The following PRPF18 variants were observed in gnomAD, a reference collection of about 807,000 sequenced individuals.
PRPF18 encodes the protein pre-mRNA-splicing factor 18.
Under a neutral mutation model 46.5 loss-of-function variants are expected in PRPF18, and 38 were observed. The ratio of observed to expected loss-of-function variants is 0.82; its 90% CI spans 0.63 to 1.07. The LOEUF (loss-of-function observed/expected upper bound fraction) is 1.07. PRPF18 is among the 50% of genes least tolerant of loss of function. PRPF18 has a pLI of 0.00. For missense variants in PRPF18, 263 were observed against 410.0 expected, an observed-to-expected ratio of 0.64 and a Z score of 3.10; for synonymous variants, 152 against 146.7, an observed-to-expected ratio of 1.04 and a Z score of -0.26.
At chr10:13,587,248 G>T in intron 1 of PRPF18, 96 bp downstream of exon 1, 3 of 1,337,502 alleles carry the variant, frequency 2.2e-6, no homozygotes, top group Non-Finnish European at 3.2e-6. Flanking sequence ...AGGATTCGGG[G>T]CGGGGACGGG....
chr10:13,608,012 T>C (rs1589127157), intron 4 of PRPF18, among the ~76,000 whole-genome samples: 1 of 152,218 alleles, frequency 6.6e-6, no homozygotes, highest in East Asian at 1.9e-4. Context: ...TTCTCAATTA[T>C]TGAGAGACAG....
intron 9 of PRPF18, among the ~76,000 whole-genome samples, chr10:13,621,123 C>G (rs2080414676): frequency 6.6e-6 from 1 of 152,170 alleles, no homozygotes; most frequent in Non-Finnish European, 1.5e-5. Flanking sequence ...AAGTTCACAT[C>G]TTGGGCATTC....
the PRPF18 span, among the ~76,000 whole-genome samples, chr10:13,638,318 T>A: frequency 6.6e-6 from 1 of 151,108 alleles, no homozygotes; most frequent in Non-Finnish European, 1.5e-5. Context: ...TTTTTTTTTT[T>A]ATGGCATCAT....
downstream of PRPF18, among the ~76,000 whole-genome samples, chr10:13,633,862 G>C (rs2080611908): frequency 6.6e-6 from 1 of 152,218 alleles, no homozygotes; most frequent in Non-Finnish European, 1.5e-5. Context: ...AGAGCTTCCA[G>C]CTGTCCAGAG....
intron 8 of PRPF18, among the ~76,000 whole-genome samples, chr10:13,614,516 G>C (rs2080313210): frequency 6.6e-6 from 1 of 152,204 alleles, no homozygotes; most frequent in Non-Finnish European, 1.5e-5. Context: ...CTGTTGCACT[G>C]ATGGTACAGT....
intron 4 of PRPF18, among the ~76,000 whole-genome samples, chr10:13,608,502 CT>C (rs2080222619): frequency 6.6e-6 from 1 of 152,340 alleles, no homozygotes; most frequent in African/African-American, 2.4e-5. Flanking sequence ...TTTCAGTCCT[CT>C]GTGTCTGTAA....
intron 9 of PRPF18, among the ~76,000 whole-genome samples, chr10:13,617,997 T>C (rs995401764): frequency 6.6e-6 from 1 of 152,216 alleles, no homozygotes; most frequent in African/African-American, 2.4e-5. Flanking sequence ...AGGGAAGCCA[T>C]GGAGCATTAA....
chr10:13,634,102 C>A (rs1277383349), downstream of PRPF18, among the ~76,000 whole-genome samples: 1 of 152,110 alleles, frequency 6.6e-6, no homozygotes, highest in Admixed American at 6.5e-5. Context: ...TGAGCTGACC[C>A]CATTCAGAAT....
chr10:13,591,675 A>G (rs2079963728), intron 1 of PRPF18: 3 of 640,856 alleles, frequency 4.7e-6, no homozygotes, highest in African/African-American at 1.8e-5. Context: ...TGCTGCTTGA[A>G]TAAGCATCAG....
chr10:13,651,676 A>T, the PRPF18 span: 2 of 542,342 alleles, frequency 3.7e-6, no homozygotes, highest in African/African-American at 3.8e-5. Context: ...CTGTCTCAAA[A>T]CAAAACATAC....
At chr10:13,611,809 G>T in intron 6 of PRPF18, 126 bp downstream of exon 6, 1 of 696,798 alleles carries the variant, frequency 1.4e-6, no homozygotes. Flanking sequence ...ACACATACAT[G>T]ATGTTTATGA....
chr10:13,651,783 G>A, the PRPF18 span: 2 of 678,510 alleles, frequency 2.9e-6, no homozygotes, highest in Non-Finnish European at 2.7e-6. Context: ...CATGTATCTA[G>A]AAATAAGGCA....
chr10:13,618,233 CAG>C (rs572235615), intron 9 of PRPF18, among the ~76,000 whole-genome samples: 30 of 152,100 alleles, frequency 2.0e-4, no homozygotes, highest in South Asian at 4.1e-4. Flanking sequence ...GAGAGAAGGG[CAG>C]AGTCTAAAAA....
chr10:13,628,342 C>T (rs1021494250), intron 9 of PRPF18, among the ~76,000 whole-genome samples: 1 of 152,078 alleles, frequency 6.6e-6, no homozygotes, highest in African/African-American at 2.4e-5. Context: ...GTCATTTGTC[C>T]CTTAATATCC....
chr10:13,652,052 T>C, the PRPF18 span: 6 of 814,130 alleles, frequency 7.4e-6, no homozygotes, highest in Non-Finnish European at 1.3e-5. Context: ...ACAGACACGA[T>C]TAGTAGCTTA....
chr10:13,625,257 G>C (rs1051285011), intron 9 of PRPF18, among the ~76,000 whole-genome samples: 1 of 152,218 alleles, frequency 6.6e-6, no homozygotes, highest in Non-Finnish European at 1.5e-5. Flanking sequence ...GTTTGAGGCT[G>C]CAGTGAGCTA....
chr10:13,616,668 G>T, intron 9 of PRPF18, 115 bp downstream of exon 9: 1 of 1,335,716 alleles, frequency 7.5e-7, no homozygotes, highest in Non-Finnish European at 1.0e-6. Context: ...AGCGTGATAG[G>T]ATGGAAGTCC....
intron 9 of PRPF18, among the ~76,000 whole-genome samples, chr10:13,625,005 G>C (rs1022992702): frequency 2.6e-5 from 4 of 152,102 alleles, no homozygotes; most frequent in African/African-American, 7.2e-5. Context: ...CAGAATTATA[G>C]AGAACAGAAA....
At chr10:13,621,011 C>A (rs10906425) in intron 9 of PRPF18, among the ~76,000 whole-genome samples, 120,479 of 152,148 alleles carry the variant, frequency 0.79, 47,879 homozygotes, top group East Asian at 0.85. Context: ...AGATGTAACC[C>A]CTGGCCCAGA....
Sources: gnomAD v4.1 joint callset for allele counts (sites outside exome capture counted in the v4.1 genomes callset) on GRCh38, gnomAD v4.1.1 for gene constraint, MANE v1.5 for transcripts, NCBI Gene and HGNC (gene_info 2026-07-23, HGNC 2026-07-21) for gene names.